The following TXN variants were observed in gnomAD, a reference collection of about 807,000 sequenced individuals.
TXN encodes the protein ADF.
A neutral mutation model predicts 16.5 loss-of-function variants in TXN; 10 were observed. The observed-to-expected ratio is 0.61, with a 90% confidence interval of 0.37 to 1.03. The LOEUF (loss-of-function observed/expected upper bound fraction) is 1.03. Ranked by LOEUF, TXN falls within the 50% of genes least tolerant of loss-of-function variation. The pLI is 0.01. For synonymous variants in TXN, 35 were observed against 39.4 expected (o/e 0.89, Z 0.42); for missense variants, 71 against 122.5 (o/e 0.58, Z 1.98).
In TXN at chr9:110,247,150, C is replaced by T. The variant is rs963665200; in HGVS notation, c.190-2307G>A. Among the ~76,000 whole-genome samples the T allele has an allele frequency of 2.6e-5, 4 of 152,066 alleles. No homozygotes were observed. In the South Asian group the frequency reaches 8.3e-4, roughly 32 times the overall value. The stretch of plus-strand genomic sequence containing the variant: ...CCAGCCTGGCCAACATGGCAAAATG[C>T]TGTCTCTACTAAAAAGTTGAAATTT... On this transcript the variant is annotated intron_variant, in intron 3 of 4. Transcript: ENST00000374517.
intron 1 of TXN, among the ~76,000 whole-genome samples, chr9:110,255,755 G>T (rs889643805): frequency 1.3e-5 from 2 of 152,192 alleles, no homozygotes; most frequent in Admixed American, 1.3e-4. Context: ...GTCTCCAGCC[G>T]CAATCCGCCC....
At chr9:110,254,313 G>C (rs992384454) in intron 1 of TXN, among the ~76,000 whole-genome samples, 5 of 152,182 alleles carry the variant, frequency 3.3e-5, no homozygotes, top group Non-Finnish European at 4.4e-5. Flanking sequence ...CTGAAGTCAG[G>C]AGTTCGAGAC....
rs377358418 is a variant in TXN at position 110,244,058 on chromosome 9, G to A, written c.*99C>T. On this transcript the variant is annotated 3_prime_UTR_variant, in exon 5 of 5. Transcript: ENST00000374517. ...ATTAATGTTTTATTGTCACGCAGATGGCAACTGGGTTTATGTCTTCATATT... is the reference window on the plus strand; with the variant it reads ...ATTAATGTTTTATTGTCACGCAGATAGCAACTGGGTTTATGTCTTCATATT... 1 of 541,932 alleles carries A rather than the reference G, an allele frequency of 1.8e-6. No individual in the cohort carries two copies. Among genetic ancestry groups the A allele is most frequent in the Non-Finnish European group, 2.9e-6 (1 of 342,664 alleles). 33.6% of individuals were successfully genotyped at this position (541,932 alleles called of 1,614,324 possible). A position where few individuals can be genotyped will look rare whatever the true frequency, so the allele number is the denominator to read the frequency against.
At chr9:110,245,416 T>C (rs1837633933) in intron 3 of TXN, among the ~76,000 whole-genome samples, 1 of 150,868 alleles carries the variant, frequency 6.6e-6, no homozygotes, top group South Asian at 2.1e-4. Context: ...CTGATTATTA[T>C]TATTTTTGAG....
chr9:110,244,227 G>A lies in TXN; in HGVS notation c.256-8C>T. The A allele has an allele frequency of 6.5e-7, 1 of 1,531,474 alleles. No homozygotes were observed. The highest frequency in any genetic ancestry group is 1.4e-5 in the African/African-American group (1 of 69,176). 94.9% of individuals were successfully genotyped at this position (1,531,474 alleles called of 1,614,324 possible). ...TCCAGAAAATTCACCCACCTGTTAA[G>A]AGAATATTGAATTGACATTAGACGT... On this transcript the variant is annotated splice_region_variant and splice_polypyrimidine_tract_variant and intron_variant, in intron 4 of 4. Coordinates refer to ENST00000374517, the MANE Select transcript of TXN (RefSeq NM_003329.4).
At chr9:110,248,940 C>T (rs1429361294) in intron 3 of TXN, among the ~76,000 whole-genome samples, 1 of 151,618 alleles carries the variant, frequency 6.6e-6, no homozygotes, top group Non-Finnish European at 1.5e-5. Flanking sequence ...TGGTGAAACC[C>T]CGTCTCTACT....
intron 3 of TXN, among the ~76,000 whole-genome samples, chr9:110,245,654 A>ATATATATATATATATATAT (rs1232332404): frequency 1.4e-4 from 3 of 21,780 alleles, no homozygotes; most frequent in African/African-American, 2.0e-4. Flanking sequence ...ATATATATAT[A>ATATATATATATATATATAT]TTTTTTTTTT....
At position 110,249,569 on chromosome 9, in the gene TXN, G is replaced by A. The variant is rs535232202; in HGVS notation, c.189+1251C>T. Among the ~76,000 whole-genome samples, 4 of 152,264 alleles carry A rather than the reference G, an allele frequency of 2.6e-5. No homozygotes were observed. The East Asian group carries it at 5.8e-4, about 22-fold the overall frequency. On this transcript the variant is annotated intron_variant, in intron 3 of 4. Transcript: ENST00000374517. The stretch of plus-strand genomic sequence containing the variant: ...ACACAAGGCGGTAAGTGGAGAAGGG[G>A]TGAAGCTCATGACAAGGAGTTAGTC...
At chr9:110,245,469 G>T (rs912782857) in intron 3 of TXN, among the ~76,000 whole-genome samples, 1 of 149,212 alleles carries the variant, frequency 6.7e-6, no homozygotes, top group African/African-American at 2.5e-5. Flanking sequence ...GAATGCAGGG[G>T]CATAGTCTCA....
chr9:110,245,100 A>G (rs955573415), intron 3 of TXN: 3 of 307,420 alleles, frequency 9.8e-6, no homozygotes, highest in African/African-American at 6.3e-5. Context: ...GAATGTTCAG[A>G]ATGTTACTAG....
In TXN at chr9:110,246,745, C is replaced by T. The variant is rs533252897; in HGVS notation, c.190-1902G>A. On this transcript the variant is annotated intron_variant, in intron 3 of 4. Transcript: ENST00000374517. The stretch of plus-strand genomic sequence containing the variant: ...TACTTTTTCTTTTAATGCTGGACAC[C>T]TGCTGAGCATGAAAGTACAGGTTCC... Among the ~76,000 whole-genome samples, 4 of 152,242 alleles carry T rather than the reference C, an allele frequency of 2.6e-5. No individual in the cohort carries two copies. The South Asian group carries it at 8.3e-4, about 32-fold the overall frequency.
chr9:110,247,799 A>G (rs1189502104), intron 3 of TXN, among the ~76,000 whole-genome samples: 1 of 152,152 alleles, frequency 6.6e-6, no homozygotes, highest in Non-Finnish European at 1.5e-5. Flanking sequence ...TATTTTTTTA[A>G]AAAGACAGTT....
At chr9:110,247,327 A>G (rs1407207094) in intron 3 of TXN, among the ~76,000 whole-genome samples, 2 of 151,694 alleles carry the variant, frequency 1.3e-5, no homozygotes, top group African/African-American at 4.8e-5. Flanking sequence ...TGTCTCAAAA[A>G]AAAAAAAAAA....
chr9:110,245,998 G>A (rs1837654678), intron 3 of TXN, among the ~76,000 whole-genome samples: 3 of 152,030 alleles, frequency 2.0e-5, no homozygotes, highest in Admixed American at 2.0e-4. Context: ...CTGGGAGGCG[G>A]AGGTTGCAGT....
chr9:110,247,322 CAA>C (rs5899888), intron 3 of TXN, among the ~76,000 whole-genome samples: 27 of 82,668 alleles, frequency 3.3e-4, no homozygotes, highest in Non-Finnish European at 3.2e-4. Context: ...GACTCTGTCT[CAA>C]AAAAAAAAAA....
chr9:110,245,746 G>T (rs948356464), intron 3 of TXN, among the ~76,000 whole-genome samples: 33 of 144,766 alleles, frequency 2.3e-4, no homozygotes, highest in African/African-American at 7.3e-4. Flanking sequence ...ACCTTCCTCG[G>T]GCTCCCAAAG....
intron 1 of TXN, among the ~76,000 whole-genome samples, chr9:110,252,245 A>AAAAAG (rs199937630): frequency 1.5e-5 from 2 of 136,204 alleles, no homozygotes; most frequent in African/African-American, 2.7e-5. Context: ...AAAAAAAAAA[A>AAAAAG]GCTATGACTT....
intron 1 of TXN, among the ~76,000 whole-genome samples, chr9:110,253,138 T>TA (rs750506853): frequency 8.9e-5 from 13 of 146,536 alleles, no homozygotes; most frequent in Non-Finnish European, 2.0e-4. Flanking sequence ...AACCATAAGA[T>TA]AAAAAACCAA....
intron 3 of TXN, among the ~76,000 whole-genome samples, chr9:110,247,322 C>CA (rs5899888): frequency 0.29 from 23,640 of 82,418 alleles, 2,424 homozygotes; most frequent in Middle Eastern, 0.34. Context: ...GACTCTGTCT[C>CA]AAAAAAAAAA....
Sources: gnomAD v4.1 joint callset for allele counts (sites outside exome capture counted in the v4.1 genomes callset) on GRCh38, gnomAD v4.1.1 for gene constraint, MANE v1.5 for transcripts, NCBI Gene and HGNC (gene_info 2026-07-23, HGNC 2026-07-21) for gene names.